Variants in FIGN observed in about 807,000 individuals in gnomAD.
The protein encoded by FIGN is fidgetin, microtubule severing factor.
FIGN carries 11 observed loss-of-function variants against 51.3 expected under a neutral mutation model. The ratio of observed to expected loss-of-function variants is 0.21; its 90% CI spans 0.13 to 0.35. The LOEUF (loss-of-function observed/expected upper bound fraction) is 0.35, where lower values mean the gene tolerates loss of function less well. Among genes scored for constraint, FIGN ranks in the 10% least tolerant of loss-of-function variants. The probability of loss-of-function intolerance (pLI) is 1.00; values close to 1 mark genes in which losing one functional copy is unlikely to be tolerated. For synonymous variants in FIGN, 407 were observed against 363.2 expected (o/e 1.12, Z -1.37); for missense variants, 857 against 943.6 (o/e 0.91, Z 1.20).
intron 2 of FIGN, among the ~76,000 whole-genome samples, chr2:163,656,601 A>C (rs757779496): frequency 1.3e-5 from 2 of 152,144 alleles, no homozygotes; most frequent in Non-Finnish European, 2.9e-5. Context: ...AAACTGGGAC[A>C]CTAGATGTGG....
At chr2:163,645,844 C>G (rs1189119089) in intron 2 of FIGN, among the ~76,000 whole-genome samples, 1 of 152,142 alleles carries the variant, frequency 6.6e-6, no homozygotes, top group Non-Finnish European at 1.5e-5. Flanking sequence ...TGGTCATTTT[C>G]CAATGCTTTG....
At chr2:163,649,177 C>G (rs1683431267) in intron 2 of FIGN, among the ~76,000 whole-genome samples, 2 of 152,118 alleles carry the variant, frequency 1.3e-5, no homozygotes, top group East Asian at 3.9e-4. Flanking sequence ...AAATACAACA[C>G]AAGCAGGCCC....
At chr2:163,679,708 T>A (rs1216061337) in intron 2 of FIGN, among the ~76,000 whole-genome samples, 2 of 152,238 alleles carry the variant, frequency 1.3e-5, no homozygotes, top group Admixed American at 1.3e-4. Context: ...GGTTCCTTGC[T>A]TTCATTGCAC....
chr2:163,700,569 C>G (rs1684393419), intron 2 of FIGN, among the ~76,000 whole-genome samples: 1 of 152,014 alleles, frequency 6.6e-6, no homozygotes, highest in Admixed American at 6.6e-5. Flanking sequence ...GCAGCAATGT[C>G]ATAATAGGCT....
intron 2 of FIGN, among the ~76,000 whole-genome samples, chr2:163,621,564 G>C (rs1682972798): frequency 2.0e-5 from 3 of 152,140 alleles, no homozygotes; most frequent in African/African-American, 7.2e-5. Context: ...AACCAGCACA[G>C]CCTAGGATTA....
chr2:163,690,044 A>AAC (rs1684215176), intron 2 of FIGN, among the ~76,000 whole-genome samples: 2 of 152,126 alleles, frequency 1.3e-5, no homozygotes, highest in African/African-American at 4.8e-5. Context: ...TCTTCCAGTT[A>AAC]TGTCAGTCCC....
At chr2:163,659,844 T>G (rs1383607019) in intron 2 of FIGN, among the ~76,000 whole-genome samples, 1 of 152,190 alleles carries the variant, frequency 6.6e-6, no homozygotes, top group East Asian at 1.9e-4. Context: ...GGCTTATGCC[T>G]GTAATCTCAG....
chr2:163,620,834 T>C (rs1682956368), intron 2 of FIGN, among the ~76,000 whole-genome samples: 1 of 137,848 alleles, frequency 7.3e-6, no homozygotes, highest in Non-Finnish European at 1.6e-5. Context: ...GGTGCACATA[T>C]AACTCTGTGT....
At position 163,609,621 on chromosome 2, in the gene FIGN, C is replaced by T; in HGVS notation, c.2211G>A (p.Gln737=). The part of the protein sequence containing the change: ...QDFENAFCKI[Q]PSISQKELDM... ...CAAGCTCCTTTTGAGATATGCTAGG[C>T]TGAATCTTGCAGAAAGCATTTTCAA... is the stretch of plus-strand genomic sequence containing the variant. The change falls in exon 3 of 3, where the codon CAG becomes CAA. Residue 737 remains glutamine (Q), a synonymous_variant. Coordinates refer to ENST00000333129, the MANE Select transcript of FIGN (RefSeq NM_018086.4). 6.2e-7 allele frequency: 1 copy of T among 1,614,084 alleles called. No individual in the cohort carries two copies. The highest frequency in any genetic ancestry group is 2.2e-5 in the East Asian group (1 of 44,880).
chr2:163,639,152 T>C (rs1683269808), intron 2 of FIGN, among the ~76,000 whole-genome samples: 1 of 152,164 alleles, frequency 6.6e-6, no homozygotes, highest in Non-Finnish European at 1.5e-5. Flanking sequence ...GCTCTTTACC[T>C]GATAAAAGTT....
At chr2:163,611,974 C>T (rs1156928719) in intron 2 of FIGN, among the ~76,000 whole-genome samples, 168 bp from the exon 3 acceptor site, 3 of 152,174 alleles carry the variant, frequency 2.0e-5, no homozygotes, top group African/African-American at 4.8e-5. Context: ...AATAAGTACT[C>T]TTTAAAATGG....
chr2:163,639,076 AT>A (rs2105315385), intron 2 of FIGN, among the ~76,000 whole-genome samples: 1 of 152,256 alleles, frequency 6.6e-6, no homozygotes, highest in Non-Finnish European at 1.5e-5. Context: ...GCAAAATAGA[AT>A]TTTCGGCACA....
At chr2:163,617,335 T>C (rs1309356419) in intron 2 of FIGN, 4 of 593,916 alleles carry the variant, frequency 6.7e-6, no homozygotes, top group African/African-American at 5.9e-5. Flanking sequence ...ATTTAGTCAA[T>C]AAAAGATGAA....
At chr2:163,724,201 A>C (rs913583937) in intron 2 of FIGN, among the ~76,000 whole-genome samples, 1 of 152,170 alleles carries the variant, frequency 6.6e-6, no homozygotes, top group African/African-American at 2.4e-5. Flanking sequence ...TTCTGCTGAC[A>C]CTGTCCTTCA....
At position 163,611,822 on chromosome 2, in the gene FIGN, G is replaced by T. The variant is rs745921022; in HGVS notation, c.26-16C>A. On this transcript the variant is annotated splice_polypyrimidine_tract_variant and intron_variant, in intron 2 of 2. Transcript: ENST00000333129. ...ATCTTCAAGCCTAAGAATTTTGGGG[G>T]GAAAAGAGTTAATTTACTTAAATAG... 1.1e-5 allele frequency: 18 copies of T among 1,580,380 alleles called. No individual in the cohort carries two copies. The African/African-American group carries it at 2.4e-4, about 21-fold the overall frequency.
chr2:163,657,131 C>T (rs1304628031), intron 2 of FIGN, among the ~76,000 whole-genome samples: 1 of 138,190 alleles, frequency 7.2e-6, no homozygotes, highest in Middle Eastern at 3.7e-3. Context: ...AAAAAAAAAA[C>T]AGAAATGGTT....
chr2:163,717,160 CT>C (rs1188302512), intron 2 of FIGN, among the ~76,000 whole-genome samples: 2 of 152,142 alleles, frequency 1.3e-5, no homozygotes, highest in Non-Finnish European at 2.9e-5. Flanking sequence ...ACCTCCGCCC[CT>C]GGACTCAAAG....
intron 2 of FIGN, among the ~76,000 whole-genome samples, chr2:163,659,704 C>T (rs1225130115): frequency 6.6e-6 from 1 of 152,096 alleles, no homozygotes; most frequent in African/African-American, 2.4e-5. Context: ...TATTTCTTAC[C>T]AGGGTAATTA....
At chr2:163,680,703 C>T (rs1684048462) in intron 2 of FIGN, among the ~76,000 whole-genome samples, 1 of 151,862 alleles carries the variant, frequency 6.6e-6, no homozygotes, top group Non-Finnish European at 1.5e-5. Flanking sequence ...CTCTGTGCTT[C>T]CCCCCAATCT....
Sources: allele counts gnomAD v4.1 joint callset (sites outside exome capture counted in the v4.1 genomes callset), GRCh38; gene constraint gnomAD v4.1.1; transcripts MANE v1.5; gene names NCBI Gene and HGNC (gene_info 2026-07-23, HGNC 2026-07-21).